Variants in RPS6KC1 observed in about 807,000 individuals in gnomAD.
RPS6KC1 encodes ribosomal protein S6 kinase C1, also known as inactive ribosomal protein S6 kinase delta-1.
Under a neutral mutation model 103.8 loss-of-function variants are expected in RPS6KC1, and 54 were observed. The observed-to-expected ratio is 0.52, with a 90% CI of 0.42 to 0.65. RPS6KC1 has a LOEUF of 0.65. Ranked by LOEUF, RPS6KC1 falls within the 30% of genes least tolerant of loss-of-function variation. The probability of loss-of-function intolerance (pLI) is 0.00; values close to 1 mark genes in which losing one functional copy is unlikely to be tolerated. For synonymous variants in RPS6KC1, 439 were observed against 438.7 expected (o/e 1.00, Z -0.01); for missense variants, 1,151 against 1,253.8 (o/e 0.92, Z 1.24).
chr1:213,759,735 G>A, the RPS6KC1 span, among the ~76,000 whole-genome samples: 1 of 152,204 alleles, frequency 6.6e-6, no homozygotes, highest in Non-Finnish European at 1.5e-5. Flanking sequence ...CCCACCATGT[G>A]GGAGGCAATG....
chr1:213,365,299 T>G, the RPS6KC1 span, among the ~76,000 whole-genome samples: 2 of 152,246 alleles, frequency 1.3e-5, no homozygotes, highest in African/African-American at 4.8e-5. Flanking sequence ...AGCTATTTAT[T>G]CCCTCTTCTT....
At chr1:213,328,453 G>GAATTCATC in the RPS6KC1 span, among the ~76,000 whole-genome samples, 9 of 144,514 alleles carry the variant, frequency 6.2e-5, no homozygotes, top group Admixed American at 1.4e-4. Flanking sequence ...TTATTTTCCT[G>GAATTCATC]AATTCATCGT....
intron 8 of RPS6KC1, among the ~76,000 whole-genome samples, chr1:213,185,522 C>G (rs1290719730): frequency 6.6e-6 from 1 of 152,118 alleles, no homozygotes; most frequent in Admixed American, 6.5e-5. Context: ...GTGGTCCATG[C>G]CTGTAATCCC....
At chr1:213,729,741 T>C in the RPS6KC1 span, among the ~76,000 whole-genome samples, 1 of 152,188 alleles carries the variant, frequency 6.6e-6, no homozygotes, top group African/African-American at 2.4e-5. Flanking sequence ...TTTTTATTTT[T>C]ATTTTTGAGT....
At chr1:213,167,809 T>C in intron 6 of RPS6KC1, 49 bp from the exon 7 acceptor site, 1 of 1,202,896 alleles carries the variant, frequency 8.3e-7, no homozygotes, top group Non-Finnish European at 1.2e-6. Context: ...AATTTTCAGG[T>C]TGAACTGAGG....
intron 6 of RPS6KC1, among the ~76,000 whole-genome samples, chr1:213,144,780 A>G (rs2087527249): frequency 6.6e-6 from 1 of 151,258 alleles, no homozygotes; most frequent in Non-Finnish European, 1.5e-5. Flanking sequence ...TAGTCACATT[A>G]AAAAAAAAGA....
At chr1:213,816,579 G>C in the RPS6KC1 span, among the ~76,000 whole-genome samples, 1 of 152,150 alleles carries the variant, frequency 6.6e-6, no homozygotes, top group African/African-American at 2.4e-5. Context: ...TACCTGGGCC[G>C]CTCGTGGGTA....
chr1:213,120,650 C>G (rs1273883209), intron 5 of RPS6KC1, among the ~76,000 whole-genome samples: 2 of 152,102 alleles, frequency 1.3e-5, no homozygotes, highest in African/African-American at 2.4e-5. Flanking sequence ...GGAAGTGATT[C>G]ACCCCATGAA....
the RPS6KC1 span, among the ~76,000 whole-genome samples, chr1:213,752,476 A>G: frequency 1.3e-5 from 2 of 152,168 alleles, no homozygotes; most frequent in African/African-American, 4.8e-5. Flanking sequence ...AACTAACTTC[A>G]CATGTAGGTA....
At chr1:213,210,398 A>T (rs2093471442) in intron 8 of RPS6KC1, among the ~76,000 whole-genome samples, 1 of 152,218 alleles carries the variant, frequency 6.6e-6, no homozygotes. Context: ...ATAATCTGTA[A>T]ATCTGTGCCT....
chr1:213,308,245 C>T, the RPS6KC1 span, among the ~76,000 whole-genome samples: 1 of 146,774 alleles, frequency 6.8e-6, no homozygotes, highest in African/African-American at 2.5e-5. Context: ...ACCCAGGAGG[C>T]AGAGGTTGCA....
Position 213,104,478 on chromosome 1 carries a change from A to G in RPS6KC1, c.287A>G (p.Glu96Gly), listed in dbSNP as rs1364062412. ...GGGCGATTTGATGAAACTGTTATCG[A>G]AGAGAGAAGACAATGTGCTGAAGAC... The part of the protein sequence containing the change: ...VFGRFDETVI[E>G]ERRQCAEDLL... The change falls in exon 4 of 15, where the codon GAA (glutamate) becomes GGA (glycine). Residue 96 changes from glutamate to glycine, a missense_variant. Around this residue, in one of 3 missense-constraint regions of RPS6KC1, gnomAD observed 959 missense variants for 1,006.3 expected, o/e 0.95. Coordinates refer to ENST00000366960, the MANE Select transcript of RPS6KC1 (RefSeq NM_012424.6). 1 of 1,611,418 alleles carries G rather than the reference A, an allele frequency of 6.2e-7. No homozygotes were observed. The highest frequency in any genetic ancestry group is 8.5e-7 in the Non-Finnish European group (1 of 1,178,112).
the RPS6KC1 span, among the ~76,000 whole-genome samples, chr1:213,664,460 A>T: frequency 6.6e-6 from 1 of 152,206 alleles, no homozygotes; most frequent in Non-Finnish European, 1.5e-5. Context: ...AAAGAGCGTT[A>T]ATGTCTCAGT....
the RPS6KC1 span, among the ~76,000 whole-genome samples, chr1:213,597,479 GC>G: frequency 1.3e-5 from 2 of 152,188 alleles, no homozygotes; most frequent in Non-Finnish European, 2.9e-5. Context: ...GTGTAGCCAG[GC>G]AAGAGGACCT....
At chr1:213,740,437 AT>A in the RPS6KC1 span, among the ~76,000 whole-genome samples, 1 of 152,048 alleles carries the variant, frequency 6.6e-6, no homozygotes, top group African/African-American at 2.4e-5. Context: ...TAATTAAAAT[AT>A]TAGCACAGTT....
chr1:213,543,897 C>T, the RPS6KC1 span, among the ~76,000 whole-genome samples: 3 of 152,136 alleles, frequency 2.0e-5, no homozygotes, highest in Non-Finnish European at 2.9e-5. Context: ...TACAAAAGAT[C>T]TAACTTAGCT....
chr1:213,363,176 G>A, the RPS6KC1 span, among the ~76,000 whole-genome samples: 1 of 152,238 alleles, frequency 6.6e-6, no homozygotes, highest in African/African-American at 2.4e-5. Context: ...TGTTTCCTCG[G>A]TGGGTCAGTT....
intron 3 of RPS6KC1, among the ~76,000 whole-genome samples, chr1:213,084,095 C>T (rs918323302): frequency 2.0e-5 from 3 of 152,144 alleles, no homozygotes; most frequent in African/African-American, 7.2e-5. Flanking sequence ...ATCCCATTTA[C>T]TTTATCATTT....
the RPS6KC1 span, among the ~76,000 whole-genome samples, chr1:213,589,158 G>A: frequency 6.6e-6 from 1 of 152,196 alleles, no homozygotes; most frequent in African/African-American, 2.4e-5. Context: ...CTTAGCTCTA[G>A]ATGTTTCTTT....
Sources: allele counts gnomAD v4.1 joint callset (sites outside exome capture counted in the v4.1 genomes callset), GRCh38; gene constraint gnomAD v4.1.1; regional missense constraint gnomAD v4.1.1; transcripts MANE v1.5; gene names NCBI Gene and HGNC (gene_info 2026-07-23, HGNC 2026-07-21).